Variants in WNT7B observed in about 807,000 individuals in gnomAD.
The protein encoded by WNT7B is protein Wnt-7b.
Under a neutral mutation model 38.2 loss-of-function variants are expected in WNT7B, and 19 were observed. The observed-to-expected ratio is 0.50, with a 90% CI of 0.35 to 0.73. The LOEUF (loss-of-function observed/expected upper bound fraction) is 0.73. Among genes scored for constraint, WNT7B ranks in the 30% least tolerant of loss-of-function variants. The pLI, the probability that WNT7B is intolerant of heterozygous loss-of-function variation, is 0.01. For missense variants in WNT7B, 423 were observed against 507.9 expected, an observed-to-expected ratio of 0.83 and a Z score of 1.61; for synonymous variants, 243 against 209.3, an observed-to-expected ratio of 1.16 and a Z score of -1.39.
chr22:45,977,068 G>T lies in WNT7B; in HGVS notation c.-314C>A. On this transcript the variant is annotated 5_prime_UTR_variant, in exon 1 of 4. In the 5' UTR this introduces an upstream ATG that the reference lacks. Coordinates refer to ENST00000339464, the MANE Select transcript of WNT7B (RefSeq NM_058238.3). Reference sequence around the variant, plus strand: ...CGGGCGCGGCTGGCGGGCGGGTGCAGCCTGCACTAGGCGCAGCCGCCTGAG... The same window carrying T: ...CGGGCGCGGCTGGCGGGCGGGTGCATCCTGCACTAGGCGCAGCCGCCTGAG... 1 of 964,160 alleles carries T rather than the reference G, an allele frequency of 1.0e-6. No homozygotes were observed. Among genetic ancestry groups the T allele is most frequent in the Non-Finnish European group, 1.2e-6 (1 of 810,992 alleles). The allele number at this position is 964,160 out of a possible 1,614,324, so 59.7% of individuals were successfully genotyped here.
intron 2 of WNT7B, among the ~76,000 whole-genome samples, chr22:45,947,602 C>T (rs1044071051): frequency 1.3e-5 from 2 of 152,202 alleles, no homozygotes; most frequent in Non-Finnish European, 2.9e-5. Context: ...GGCCAAGGTG[C>T]ACCTGGAGGA....
chr22:45,940,488 C>A (rs757837605), intron 2 of WNT7B, among the ~76,000 whole-genome samples: 1 of 152,230 alleles, frequency 6.6e-6, no homozygotes, highest in Non-Finnish European at 1.5e-5. Flanking sequence ...GTAACACTCA[C>A]GTTATTGCCA....
intron 1 of WNT7B, among the ~76,000 whole-genome samples, chr22:45,958,649 C>G (rs557103745): frequency 2.0e-5 from 3 of 152,332 alleles, no homozygotes; most frequent in East Asian, 3.9e-4. Flanking sequence ...AAAAGTTCAG[C>G]AGCCTGCCTG....
In WNT7B at chr22:45,975,676, G is replaced by C; in HGVS notation, c.71+1008C>G. 2 of 676,456 alleles carry C rather than the reference G, an allele frequency of 3.0e-6. No homozygotes were observed. Among genetic ancestry groups the C allele is most frequent in the East Asian group, 2.8e-5 (1 of 36,212 alleles). The allele number at this position is 676,456 out of a possible 1,614,324, so 41.9% of individuals were successfully genotyped here. A position where few individuals can be genotyped will look rare whatever the true frequency, so the allele number is the denominator to read the frequency against. On this transcript the variant is annotated intron_variant, in intron 1 of 3. Coordinates refer to ENST00000339464, the MANE Select transcript of WNT7B (RefSeq NM_058238.3). The surrounding 1 kb of genome is among the most constrained non-coding windows in gnomAD (Gnocchi z 6.6). ...CTGCACCTGCCCCTCCCGCGGGTCTGTTCACCGCCTTGCCTGTGGCCTGGA... is the reference window on the plus strand; with the variant it reads ...CTGCACCTGCCCCTCCCGCGGGTCTCTTCACCGCCTTGCCTGTGGCCTGGA...
chr22:45,926,929 T>G, intron 3 of WNT7B: 1 of 985,388 alleles, frequency 1.0e-6, no homozygotes, highest in Non-Finnish European at 1.2e-6. Flanking sequence ...GGACCCTCAG[T>G]CAGGGAAGGG....
At chr22:45,928,589 C>T (rs1039594525) in intron 3 of WNT7B, among the ~76,000 whole-genome samples, 1 of 149,324 alleles carries the variant, frequency 6.7e-6, no homozygotes, top group South Asian at 2.1e-4. Flanking sequence ...GTCTCCTGCC[C>T]ACCCGTGGGG....
chr22:45,929,787 CCGATCCACTCAACCATCTACCCAT>C (rs977601856), intron 3 of WNT7B, among the ~76,000 whole-genome samples: 31 of 115,350 alleles, frequency 2.7e-4, no homozygotes, highest in African/African-American at 8.5e-4. Context: ...CATCCACCCA[CCGATCCACTCAACCATCTACCCAT>C]CCATCTATCT....
intron 1 of WNT7B, among the ~76,000 whole-genome samples, chr22:45,959,925 A>C (rs1296569724): frequency 1.3e-5 from 2 of 152,108 alleles, no homozygotes; most frequent in Non-Finnish European, 2.9e-5. Flanking sequence ...CAGACCCCCC[A>C]GAGCCACAGG....
At chr22:45,960,852 C>A (rs1299544756) in intron 1 of WNT7B, among the ~76,000 whole-genome samples, 1 of 152,218 alleles carries the variant, frequency 6.6e-6, no homozygotes, top group Non-Finnish European at 1.5e-5. Context: ...ACTTTCCATC[C>A]ATATAGGGGC....
intron 2 of WNT7B, among the ~76,000 whole-genome samples, chr22:45,932,769 C>T (rs1385681158): frequency 6.6e-6 from 1 of 152,208 alleles, no homozygotes; most frequent in African/African-American, 2.4e-5. Flanking sequence ...AACCTCCCTG[C>T]CCATCTCAGC....
chr22:45,977,065 G>A lies in WNT7B; in HGVS notation c.-311C>T. 2.1e-6 allele frequency: 2 copies of A among 971,262 alleles called. No individual in the cohort carries two copies. Among genetic ancestry groups the A allele is most frequent in the Non-Finnish European group, 2.4e-6 (2 of 817,496 alleles). 60.2% of individuals were successfully genotyped at this position (971,262 alleles called of 1,614,324 possible). On this transcript the variant is annotated 5_prime_UTR_variant, in exon 1 of 4. Coordinates refer to ENST00000339464, the MANE Select transcript of WNT7B (RefSeq NM_058238.3). ...GCCCGGGCGCGGCTGGCGGGCGGGT[G>A]CAGCCTGCACTAGGCGCAGCCGCCT...
At chr22:45,930,963 C>A in intron 3 of WNT7B, 135 bp downstream of exon 3, 3 of 1,261,640 alleles carry the variant, frequency 2.4e-6, no homozygotes, top group Non-Finnish European at 3.2e-6. Context: ...CGTGGAGGAC[C>A]CAGACGGCCC....
At chr22:45,944,996 C>G (rs111417285) in intron 2 of WNT7B, among the ~76,000 whole-genome samples, 2 of 152,204 alleles carry the variant, frequency 1.3e-5, no homozygotes, top group Non-Finnish European at 1.5e-5. Context: ...GGTGCAGCAC[C>G]GCTCAACGGA....
chr22:45,932,960 G>C (rs1370858361), intron 2 of WNT7B, among the ~76,000 whole-genome samples: 1 of 152,238 alleles, frequency 6.6e-6, no homozygotes, highest in East Asian at 1.9e-4. Context: ...AGTCAGGTCT[G>C]TTCTATGAAC....
At position 45,923,339 on chromosome 22, in the gene WNT7B, C is replaced by A; in HGVS notation, c.571-4G>T. 1.9e-6 allele frequency: 3 copies of A among 1,593,336 alleles called. No homozygotes were observed. The South Asian group carries it at 3.4e-5, about 18-fold the overall frequency. On this transcript the variant is annotated splice_region_variant and splice_polypyrimidine_tract_variant and intron_variant, in intron 3 of 3. Transcript: ENST00000339464. ...GCTGCATCCGGTCCTCTAGAACCTG[C>A]GGGTGACAGGGAAGCTGCTCGGCAC...
chr22:45,927,266 A>C (rs1401022390), intron 3 of WNT7B: 1 of 985,248 alleles, frequency 1.0e-6, no homozygotes, highest in African/African-American at 1.7e-5. Context: ...TTTTCCGCAC[A>C]GGCACCCTGC....
Position 45,975,706 on chromosome 22 carries a change from G to C in WNT7B, c.71+978C>G. ...CCGCCTTGCCTGTGGCCTGGACGGG[G>C]CTCGCCTCGGGGCAGCCGGCGGCGC... On this transcript the variant is annotated intron_variant, in intron 1 of 3. Transcript: ENST00000339464. This position sits in a 1 kb window ranked among gnomAD's most constrained non-coding sequence, Gnocchi z 6.6. The C allele has an allele frequency of 1.8e-6, 1 of 542,256 alleles. No homozygotes were observed. The highest frequency in any genetic ancestry group is 2.5e-5 in the South Asian group (1 of 40,528). 33.6% of individuals were successfully genotyped at this position (542,256 alleles called of 1,614,324 possible). A position where few individuals can be genotyped will look rare whatever the true frequency, so the allele number is the denominator to read the frequency against.
chr22:45,949,562 A>G (rs1931879695), intron 2 of WNT7B, among the ~76,000 whole-genome samples: 1 of 152,160 alleles, frequency 6.6e-6, no homozygotes, highest in South Asian at 2.1e-4. Context: ...CTCCCTCTAC[A>G]CGGCTGCTAG....
rs1932320507 is a variant in WNT7B, at chr22:45,966,722, C to A, written c.71+9962G>T. 6.6e-6 allele frequency among the ~76,000 whole-genome samples: 1 copy of A among 152,214 alleles called. No individual in the cohort carries two copies. The highest frequency in any genetic ancestry group is 2.1e-4 in the South Asian group (1 of 4,828). ...ACCCAGCCTCGTGGCAGCTCCAGCA[C>A]CTCAGCTGCCACCTGCTCCAGCCTG... On this transcript the variant is annotated intron_variant, in intron 1 of 3. Coordinates refer to ENST00000339464, the MANE Select transcript of WNT7B (RefSeq NM_058238.3). This position sits in a 1 kb window ranked among gnomAD's most constrained non-coding sequence, Gnocchi z 4.2.
Sources: gnomAD v4.1 joint callset for allele counts (sites outside exome capture counted in the v4.1 genomes callset) on GRCh38, gnomAD v4.1.1 for gene constraint, Gnocchi (gnomAD v3.1) non-coding constraint, MANE v1.5 for transcripts, NCBI Gene and HGNC (gene_info 2026-07-23, HGNC 2026-07-21) for gene names.